The following ARHGEF39 variants were observed in gnomAD, a reference collection of about 807,000 sequenced individuals.
The protein encoded by ARHGEF39 is Rho guanine nucleotide exchange factor (GEF) 39.
Under a neutral mutation model 47.5 loss-of-function variants are expected in ARHGEF39, and 45 were observed. That is an observed-to-expected ratio of 0.95 (90% CI 0.75 to 1.22). The LOEUF is 1.22. Ranked by LOEUF, ARHGEF39 falls within the 50% of genes most tolerant of loss-of-function variation. The pLI, the probability that ARHGEF39 is intolerant of heterozygous loss-of-function variation, is 0.00. For missense variants in ARHGEF39, 411 were observed against 425.3 expected (o/e 0.97, Z 0.30); for synonymous variants, 164 against 167.8 (o/e 0.98, Z 0.17).
At position 35,664,838 on chromosome 9, in the gene ARHGEF39, TC is replaced by T; in HGVS notation, c.150del (p.Ile51SerfsTer2). 6.2e-7 allele frequency: 1 copy of T among 1,609,780 alleles called. No homozygotes were observed. On this transcript the variant is annotated frameshift_variant, in exon 2 of 9. Coordinates refer to ENST00000378387, the MANE Select transcript of ARHGEF39 (RefSeq NM_032818.3). LOFTEE classifies it high-confidence loss of function. ...QLGLVATYFL[G>X]ILKAKGTLRP... ...CGCAGGGTCCCCTTGGCTTTCAGGA[TC>T]CCCAAAAAGTACTGCGGAAGGAGAG...
chr9:35,661,972 A>G lies in ARHGEF39; in HGVS notation c.*15T>C. 2 of 1,613,380 alleles carry G rather than the reference A, an allele frequency of 1.2e-6. No homozygotes were observed. The highest frequency in any genetic ancestry group is 1.7e-6 in the Non-Finnish European group (2 of 1,179,580). On this transcript the variant is annotated 3_prime_UTR_variant, in exon 9 of 9. Transcript: ENST00000378387. ...TCCCTGAGGTATCCTGAGTTCTGGA[A>G]TCTATAAGATTCCTCTAGTTTTTCT...
chr9:35,662,860 A>G, intron 6 of ARHGEF39, 86 bp downstream of exon 6: 1 of 1,572,322 alleles, frequency 6.4e-7, no homozygotes, highest in Non-Finnish European at 8.7e-7. Flanking sequence ...AGGGTGAGTA[A>G]GAAAAGAGCA....
Position 35,660,336 on chromosome 9 carries a change from GGAGACT to G in ARHGEF39, c.*1645_*1650del, listed in dbSNP as rs1823849602. 1.4e-6 allele frequency: 2 copies of G among 1,410,700 alleles called. No homozygotes were observed. The highest frequency in any genetic ancestry group is 1.9e-6 in the Non-Finnish European group (2 of 1,036,196). The allele number at this position is 1,410,700 out of a possible 1,614,324, so 87.4% of individuals were successfully genotyped here. On this transcript the variant is annotated 3_prime_UTR_variant, in exon 9 of 9. Transcript: ENST00000378387. ...ATTGCACTCTCTCTTGGCTGGCTCT[GGAGACT>G]GAGGTGATGGAGCAGAACCTTGTTG... is the stretch of plus-strand genomic sequence containing the variant.
At chr9:35,662,823 G>A (rs1341515758) in intron 6 of ARHGEF39, 82 bp from the exon 7 acceptor site, 1 of 1,524,780 alleles carries the variant, frequency 6.6e-7, no homozygotes, top group Non-Finnish European at 8.9e-7. Flanking sequence ...GAAAATAGGG[G>A]TTATGTGCTG....
In ARHGEF39 at chr9:35,660,750, A is replaced by T. The variant is rs1157586380; in HGVS notation, c.*1237T>A. The T allele has an allele frequency of 1.2e-5, 20 of 1,613,796 alleles. No homozygotes were observed. The highest frequency in any genetic ancestry group is 1.6e-5 in the Non-Finnish European group (19 of 1,179,840). ...ACTGAGTGGACATTTCTTCAGTGTG[A>T]CTACTCTGGCTGGAGCCCAGCAGGA... On this transcript the variant is annotated 3_prime_UTR_variant, in exon 9 of 9. Transcript: ENST00000378387.
In ARHGEF39 at chr9:35,662,766, C is replaced by T. The variant is rs1250919596; in HGVS notation, c.674-25G>A. 4 of 1,542,224 alleles carry T rather than the reference C, an allele frequency of 2.6e-6. No individual in the cohort carries two copies. In the African/African-American group the frequency reaches 5.5e-5, roughly 21 times the overall value. ...CCTGGGGGATGGGAGCGCTGTTATT[C>T]TGGTGCAGCTTCAAGATACATGGGA... On this transcript the variant is annotated intron_variant, in intron 6 of 8. Transcript: ENST00000378387.
rs774569232 is a variant in ARHGEF39 at position 35,664,739 on chromosome 9, G to A, written c.233+17C>T. The A allele has an allele frequency of 7.5e-6, 12 of 1,607,086 alleles. No individual in the cohort carries two copies. In the East Asian group the frequency reaches 2.5e-4, roughly 33 times the overall value. Reference sequence around the variant, plus strand: ...GGACTCTCCCTCCTTTCCTCTCCCTGTGCCCCTTCCACTCACTGGCTGGCG... The same window carrying A: ...GGACTCTCCCTCCTTTCCTCTCCCTATGCCCCTTCCACTCACTGGCTGGCG... On this transcript the variant is annotated intron_variant, in intron 2 of 8. Coordinates refer to ENST00000378387, the MANE Select transcript of ARHGEF39 (RefSeq NM_032818.3).
chr9:35,663,977 G>C, intron 4 of ARHGEF39, 31 bp downstream of exon 4: 1 of 1,596,350 alleles, frequency 6.3e-7, no homozygotes. Context: ...AACTAAAAGA[G>C]AGAGGCGGCT....
chr9:35,661,235 C>A lies in ARHGEF39; in HGVS notation c.*752G>T. 2 of 1,383,178 alleles carry A rather than the reference C, an allele frequency of 1.4e-6. No individual in the cohort carries two copies. The highest frequency in any genetic ancestry group is 2.0e-6 in the Non-Finnish European group (2 of 1,005,412). The allele number at this position is 1,383,178 out of a possible 1,614,324, so 85.7% of individuals were successfully genotyped here. ...TCGATCCTAGTTGGTTGTACACACC[C>A]ATACTAGGTGCCTAAGGACAACTGG... is the stretch of plus-strand genomic sequence containing the variant. On this transcript the variant is annotated 3_prime_UTR_variant, in exon 9 of 9. Transcript: ENST00000378387.
Position 35,661,161 on chromosome 9 carries a change from C to A in ARHGEF39, c.*826G>T. On this transcript the variant is annotated 3_prime_UTR_variant, in exon 9 of 9. Coordinates refer to ENST00000378387, the MANE Select transcript of ARHGEF39 (RefSeq NM_032818.3). ...GGAAGGAGGGACGACAGCTGAAGGTCGACTAAAACAAAGTCTGTTTTCATG... is the reference window on the plus strand; with the variant it reads ...GGAAGGAGGGACGACAGCTGAAGGTAGACTAAAACAAAGTCTGTTTTCATG... The A allele has an allele frequency of 6.2e-7, 1 of 1,604,034 alleles. No individual in the cohort carries two copies. Among genetic ancestry groups the A allele is most frequent in the South Asian group, 1.1e-5 (1 of 90,222 alleles).
intron 7 of ARHGEF39, 66 bp from the exon 8 acceptor site, chr9:35,662,333 G>T: frequency 6.6e-7 from 1 of 1,518,160 alleles, no homozygotes; most frequent in South Asian, 1.1e-5. Flanking sequence ...AGCCCTTGCT[G>T]TTTCCATGGA....
rs535364985 is a variant in ARHGEF39, at chr9:35,662,791, A to C, written c.674-50T>G. 3 of 1,526,458 alleles carry C rather than the reference A, an allele frequency of 2.0e-6. No homozygotes were observed. In the African/African-American group the frequency reaches 4.1e-5, roughly 21 times the overall value. 94.6% of individuals were successfully genotyped at this position (1,526,458 alleles called of 1,614,324 possible). A position where few individuals can be genotyped will look rare whatever the true frequency, so the allele number is the denominator to read the frequency against. On this transcript the variant is annotated intron_variant, in intron 6 of 8. Coordinates refer to ENST00000378387, the MANE Select transcript of ARHGEF39 (RefSeq NM_032818.3). ...CTGGTGCAGCTTCAAGATACATGGGAATAAGAGGAAAGGGAGGCTGAGAAA... is the reference window on the plus strand; with the variant it reads ...CTGGTGCAGCTTCAAGATACATGGGCATAAGAGGAAAGGGAGGCTGAGAAA...
Position 35,662,553 on chromosome 9 carries a change from C to T in ARHGEF39, c.862G>A (p.Val288Ile), listed in dbSNP as rs1587932646. ...CAAGGGCCTCCTGAGTGGCCAAAGACCCTGCTGAGATGACACTGGGCCATG... is the reference window on the plus strand; with the variant it reads ...CAAGGGCCTCCTGAGTGGCCAAAGATCCTGCTGAGATGACACTGGGCCATG... ...YPMAQCHLSR[V>I]FGHSGGPCGG... Residue 288 changes from valine to isoleucine, a missense_variant, in exon 7 of 9, where the codon GTC (valine) becomes ATC (isoleucine). Transcript: ENST00000378387. 1 of 1,614,188 alleles carries T rather than the reference C, an allele frequency of 6.2e-7. No homozygotes were observed. The highest frequency in any genetic ancestry group is 8.5e-7 in the Non-Finnish European group (1 of 1,180,038).
In ARHGEF39 at chr9:35,660,323, C is replaced by T; in HGVS notation, c.*1664G>A. 7.7e-7 allele frequency: 1 copy of T among 1,290,914 alleles called. No individual in the cohort carries two copies. The highest frequency in any genetic ancestry group is 1.4e-5 in the South Asian group (1 of 70,344). 80.0% of individuals were successfully genotyped at this position (1,290,914 alleles called of 1,614,324 possible). ...GTCTCCATCTCAAATTGCACTCTCT[C>T]TTGGCTGGCTCTGGAGACTGAGGTG... On this transcript the variant is annotated 3_prime_UTR_variant, in exon 9 of 9. Transcript: ENST00000378387.
intron 4 of ARHGEF39, 45 bp downstream of exon 4, chr9:35,663,963 T>G (rs1251227309): frequency 6.3e-7 from 1 of 1,581,342 alleles, no homozygotes; most frequent in East Asian, 2.2e-5. Flanking sequence ...GCAGCAGTCA[T>G]ACAAACTAAA....
intron 4 of ARHGEF39, among the ~76,000 whole-genome samples, 183 bp downstream of exon 4, chr9:35,663,825 T>C (rs1414207448): frequency 6.6e-6 from 1 of 152,182 alleles, no homozygotes; most frequent in African/African-American, 2.4e-5. Context: ...GCTGAGGGCC[T>C]CAGGCTGCAG....
rs746494259 is a variant in ARHGEF39, at chr9:35,662,641, G to T, written c.774C>A (p.Ala258=). ...FFLFTDVLLM[A]KPRPPLHLLR... ...GCAGGTGCAGTGGAGGCCGAGGCTT[G>T]GCCATGAGGAGCACATCAGTGAAGA... The change falls in exon 7 of 9, where the codon GCC becomes GCA. Residue 258 remains alanine (A), a synonymous_variant. Coordinates refer to ENST00000378387, the MANE Select transcript of ARHGEF39 (RefSeq NM_032818.3). The T allele has an allele frequency of 2.8e-5, 45 of 1,613,214 alleles. 1 individual carries two copies. The highest frequency in any genetic ancestry group is 3.6e-5 in the Non-Finnish European group (42 of 1,179,688).
Position 35,660,694 on chromosome 9 carries a change from G to T in ARHGEF39, c.*1293C>A. ...TGAATTTTTGGGGAATTTGTGGCAG[G>T]AGGGAGGAATGGGGACATAGGTTGG... On this transcript the variant is annotated 3_prime_UTR_variant, in exon 9 of 9. Transcript: ENST00000378387. The T allele has an allele frequency of 6.2e-7, 1 of 1,613,812 alleles. No homozygotes were observed. The highest frequency in any genetic ancestry group is 1.7e-5 in the Admixed American group (1 of 60,018).
At chr9:35,663,431 C>T (rs764085604) in intron 4 of ARHGEF39, 39 bp from the exon 5 acceptor site, 1 of 1,572,670 alleles carries the variant, frequency 6.4e-7, no homozygotes. Flanking sequence ...GGAAGCAGAG[C>T]CAGGCAGAAT....
Sources: allele counts gnomAD v4.1 joint callset (sites outside exome capture counted in the v4.1 genomes callset), GRCh38; gene constraint gnomAD v4.1.1; transcripts MANE v1.5; gene names NCBI Gene and HGNC (gene_info 2026-07-23, HGNC 2026-07-21).